Variants in PCCA observed in about 807,000 individuals in gnomAD.
PCCA encodes propionyl-CoA carboxylase subunit alpha, also known as propionyl-CoA carboxylase alpha chain, mitochondrial.
PCCA carries 74 observed loss-of-function variants against 101.3 expected under a neutral mutation model. The ratio of observed to expected loss-of-function variants is 0.73; its 90% CI spans 0.61 to 0.89. The LOEUF is 0.89. Among genes scored for constraint, PCCA ranks in the 40% least tolerant of loss-of-function variants. The probability of loss-of-function intolerance (pLI) is 0.00; values close to 1 mark genes in which losing one functional copy is unlikely to be tolerated. For missense variants in PCCA, 891 were observed against 907.0 expected, an observed-to-expected ratio of 0.98 and a Z score of 0.23; for synonymous variants, 294 against 313.6, an observed-to-expected ratio of 0.94 and a Z score of 0.66.
chr13:100,326,456 T>C (rs983612931), intron 16 of PCCA, among the ~76,000 whole-genome samples: 3 of 152,206 alleles, frequency 2.0e-5, no homozygotes, highest in Admixed American at 6.5e-5. Context: ...TTTTACGACA[T>C]GGACCCTTCT....
intron 8 of PCCA, among the ~76,000 whole-genome samples, chr13:100,242,838 CT>C (rs2061226605): frequency 6.6e-6 from 1 of 151,994 alleles, no homozygotes; most frequent in South Asian, 2.1e-4. Flanking sequence ...TTTTATTTTT[CT>C]TTGCAAATGA....
At chr13:100,281,494 A>G (rs2064116652) in intron 12 of PCCA, among the ~76,000 whole-genome samples, 1 of 152,220 alleles carries the variant, frequency 6.6e-6, no homozygotes, top group African/African-American at 2.4e-5. Context: ...ATGTCCCCCA[A>G]GGATAAGGGG....
intron 13 of PCCA, 70 bp downstream of exon 13, chr13:100,301,673 C>T (rs2066070987): frequency 6.5e-7 from 1 of 1,531,170 alleles, no homozygotes; most frequent in African/African-American, 1.4e-5. Flanking sequence ...TATAGCCAAA[C>T]AATGAGGTAA....
intron 4 of PCCA, among the ~76,000 whole-genome samples, chr13:100,137,970 G>A (rs561927703): frequency 9.9e-5 from 15 of 151,740 alleles, no homozygotes; most frequent in African/African-American, 2.4e-4. Context: ...ATTTTCTTTC[G>A]TGGAGTCGTG....
At chr13:100,195,953 GC>G (rs1249967875) in intron 6 of PCCA, among the ~76,000 whole-genome samples, 1 of 152,046 alleles carries the variant, frequency 6.6e-6, no homozygotes, top group Non-Finnish European at 1.5e-5. Flanking sequence ...TGGTATCAGT[GC>G]TGATTACAGG....
chr13:100,282,279 G>A (rs149286199), intron 12 of PCCA, among the ~76,000 whole-genome samples: 1,756 of 152,338 alleles, frequency 0.012, 39 homozygotes, highest in African/African-American at 0.039. Flanking sequence ...AGGTGACAGC[G>A]TGCTGGCAGT....
intron 17 of PCCA, among the ~76,000 whole-genome samples, chr13:100,332,418 A>G (rs2069761552): frequency 6.6e-6 from 1 of 152,178 alleles, no homozygotes. Context: ...TGATGGTGAT[A>G]AGATAGGAAA....
At chr13:100,392,452 T>C (rs2076845082) in intron 19 of PCCA, among the ~76,000 whole-genome samples, 1 of 152,256 alleles carries the variant, frequency 6.6e-6, no homozygotes, top group Non-Finnish European at 1.5e-5. Context: ...ATTTTATTTA[T>C]AAATTTAGCA....
intron 20 of PCCA, among the ~76,000 whole-genome samples, chr13:100,432,143 T>G (rs1415015271): frequency 1.4e-5 from 2 of 142,540 alleles, no homozygotes; most frequent in East Asian, 4.9e-4. Flanking sequence ...AGACTCCATC[T>G]CAAAAATAAA....
Position 100,368,796 on chromosome 13 carries a change from T to C in PCCA, c.1746+222T>C, listed in dbSNP as rs2075383405. ...GCCACATCCTAAACTCACTTTCTGATACTTGATTCATTTTTCTTTTATGCT... is the reference window on the plus strand; with the variant it reads ...GCCACATCCTAAACTCACTTTCTGACACTTGATTCATTTTTCTTTTATGCT... On this transcript the variant is annotated intron_variant, in intron 19 of 23. Coordinates refer to ENST00000376285, the MANE Select transcript of PCCA (RefSeq NM_000282.4). Among the ~76,000 whole-genome samples the C allele has an allele frequency of 2.0e-5, 3 of 152,234 alleles. No individual in the cohort carries two copies. In the South Asian group the frequency reaches 6.2e-4, roughly 32 times the overall value.
At chr13:100,274,603 C>G (rs1239319582) in intron 12 of PCCA, among the ~76,000 whole-genome samples, 1 of 152,022 alleles carries the variant, frequency 6.6e-6, no homozygotes, top group African/African-American at 2.4e-5. Flanking sequence ...CTGGTGTTGC[C>G]GACAGTCCTT....
intron 21 of PCCA, chr13:100,464,591 A>G (rs1237843155): frequency 6.6e-6 from 1 of 152,164 alleles, no homozygotes; most frequent in Non-Finnish European, 1.5e-5. Flanking sequence ...ATCCAGAGGG[A>G]AAATATTGTT....
chr13:100,528,612 C>A (rs2088070507), intron 23 of PCCA, among the ~76,000 whole-genome samples: 2 of 152,178 alleles, frequency 1.3e-5, no homozygotes, highest in Admixed American at 1.3e-4. Flanking sequence ...CATGCCTGGT[C>A]CCGGCTGGGA....
At chr13:100,473,152 A>C (rs1165873446) in intron 21 of PCCA, 1 of 152,244 alleles carries the variant, frequency 6.6e-6, no homozygotes, top group African/African-American at 2.4e-5. Context: ...TAATCAGAGC[A>C]AACGGTGACG....
intron 13 of PCCA, 55 bp downstream of exon 13, chr13:100,301,658 C>CCTGGA: frequency 6.4e-7 from 1 of 1,571,508 alleles, no homozygotes. Context: ...AGTCATGAGA[C>CCTGGA]CTGGTATAGC....
At chr13:100,102,010 G>A (rs927587707) in intron 1 of PCCA, among the ~76,000 whole-genome samples, 1 of 152,154 alleles carries the variant, frequency 6.6e-6, no homozygotes, top group African/African-American at 2.4e-5. Flanking sequence ...CTAAGAGGTG[G>A]TACCTGTTGG....
chr13:100,094,675 C>G (rs1043027201), intron 1 of PCCA, among the ~76,000 whole-genome samples: 3 of 152,164 alleles, frequency 2.0e-5, no homozygotes. Flanking sequence ...GCAACCTCCG[C>G]CTCCGGGGTT....
At chr13:100,184,689 A>G (rs1333754770) in intron 6 of PCCA, among the ~76,000 whole-genome samples, 6 of 152,240 alleles carry the variant, frequency 3.9e-5, no homozygotes, top group African/African-American at 1.2e-4. Context: ...ATGAATGGGT[A>G]TGGCTGTGTT....
At chr13:100,428,324 A>ACC (rs58580719) in intron 20 of PCCA, among the ~76,000 whole-genome samples, 5 of 44,884 alleles carry the variant, frequency 1.1e-4, no homozygotes, top group African/African-American at 1.3e-4. Flanking sequence ...CTCCTCCCCG[A>ACC]CCCCCCCTAC....
Sources: allele counts gnomAD v4.1 joint callset (sites outside exome capture counted in the v4.1 genomes callset), GRCh38; gene constraint gnomAD v4.1.1; transcripts MANE v1.5; gene names NCBI Gene and HGNC (gene_info 2026-07-23, HGNC 2026-07-21).